The following ITGB2 variants were observed in gnomAD, a reference collection of about 807,000 sequenced individuals.
ITGB2 encodes the protein integrin subunit beta 2, also known as integrin beta-2.
Under a neutral mutation model 86.8 loss-of-function variants are expected in ITGB2, and 56 were observed. The observed-to-expected ratio is 0.65, with a 90% CI of 0.52 to 0.81. The LOEUF is 0.81. Among genes scored for constraint, ITGB2 ranks in the 30% least tolerant of loss-of-function variants. The pLI, the probability that ITGB2 is intolerant of heterozygous loss-of-function variation, is 0.00. For missense variants in ITGB2, 948 were observed against 1,061.2 expected, an observed-to-expected ratio of 0.89 and a Z score of 1.48; for synonymous variants, 457 against 450.4, an observed-to-expected ratio of 1.01 and a Z score of -0.19.
At chr21:44,897,422 C>T (rs917748229) in intron 8 of ITGB2, among the ~76,000 whole-genome samples, 2 of 152,188 alleles carry the variant, frequency 1.3e-5, no homozygotes, top group Non-Finnish European at 2.9e-5. Context: ...TGGTTTCCTG[C>T]GTGCCATTTT....
chr21:44,911,023 A>AGCT lies in ITGB2; in HGVS notation c.-3-241_-3-239dup, dbSNP rs1413665252. On this transcript the variant is annotated intron_variant, in intron 1 of 15. Transcript: ENST00000652462. ...ACCTGCTCAGCCAGGCACCCAGGAC[A>AGCT]GCTGCAGCGGGCCCCTGCAGAGGCA... The AGCT allele has an allele frequency of 6.9e-6, 4 of 578,340 alleles. No homozygotes were observed. In the East Asian group the frequency reaches 1.2e-4, roughly 17 times the overall value. 35.8% of individuals were successfully genotyped at this position (578,340 alleles called of 1,614,324 possible). A position where few individuals can be genotyped will look rare whatever the true frequency, so the allele number is the denominator to read the frequency against.
intron 10 of ITGB2, 43 bp from the exon 11 acceptor site, chr21:44,892,039 A>T: frequency 6.3e-7 from 1 of 1,593,180 alleles, no homozygotes; most frequent in South Asian, 1.1e-5. Context: ...CTCGGTGGCC[A>T]GGGTGGCAGC....
chr21:44,894,698 C>A, intron 9 of ITGB2: 1 of 494,088 alleles, frequency 2.0e-6, no homozygotes, highest in South Asian at 2.0e-5. Flanking sequence ...CATAGAGACC[C>A]GCAGAGAAGA....
intron 1 of ITGB2, among the ~76,000 whole-genome samples, chr21:44,915,127 C>G (rs1385070031): frequency 6.6e-6 from 1 of 151,934 alleles, no homozygotes; most frequent in Non-Finnish European, 1.5e-5. Flanking sequence ...AGGTTCATGC[C>G]ATTCTCCTGC....
upstream of ITGB2, among the ~76,000 whole-genome samples, chr21:44,924,915 A>G (rs11702770): frequency 0.27 from 40,700 of 152,060 alleles, 5,595 homozygotes; most frequent in Middle Eastern, 0.32. Flanking sequence ...ACACCCCTAG[A>G]GCAGGACAGT....
intron 8 of ITGB2, among the ~76,000 whole-genome samples, chr21:44,896,174 G>T (rs1045724644): frequency 1.3e-5 from 2 of 152,204 alleles, no homozygotes; most frequent in African/African-American, 2.4e-5. Context: ...TTTCAAGCTC[G>T]CAATATCACT....
rs1431207660 is a variant in ITGB2 at position 44,900,406 on chromosome 21, C to T, written c.811G>A (p.Gly271Ser). Residue 271 changes from glycine (G) to serine (S), a missense_variant, in exon 7 of 16, where the codon GGC becomes AGC. By Grantham distance (56) the Gly-to-Ser change is moderately conservative. Transcript: ENST00000652462. ...AGGATGGCGCCCAGCTTCCCGTCGC[C>T]CGCGAAATGGAAGCCGTCATCAGTG... The part of the protein sequence containing the change: ...FATDDGFHFA[G>S]DGKLGAILTP... 11 of 1,613,972 alleles carry T rather than the reference C, an allele frequency of 6.8e-6. No individual in the cohort carries two copies.
intron 14 of ITGB2, among the ~76,000 whole-genome samples, chr21:44,888,390 G>A (rs2083729469): frequency 6.6e-6 from 1 of 152,272 alleles, no homozygotes; most frequent in Non-Finnish European, 1.5e-5. Context: ...AGATGGCCCG[G>A]GCCGTGTGGC....
intron 7 of ITGB2, 60 bp downstream of exon 7, chr21:44,900,260 G>A: frequency 6.2e-7 from 1 of 1,606,030 alleles, no homozygotes; most frequent in Non-Finnish European, 8.5e-7. Flanking sequence ...CCCCACCCTT[G>A]TCTCCTCCGT....
chr21:44,899,212 TCCAGGTACCCGC>T (rs772998182), intron 7 of ITGB2, 50 bp from the exon 8 acceptor site: 1 of 1,362,348 alleles, frequency 7.3e-7, no homozygotes, highest in Non-Finnish European at 1.0e-6. Flanking sequence ...GGACAAGGCT[TCCAGGTACCCGC>T]CCCTGTCTGC....
At chr21:44,888,934 G>GT (rs755779145) in intron 13 of ITGB2, 39 bp from the exon 14 acceptor site, 30 of 1,583,686 alleles carry the variant, frequency 1.9e-5, no homozygotes, top group Non-Finnish European at 2.2e-5. Context: ...GCCAGGGTGT[G>GT]CGGGGGCTCC....
At chr21:44,925,842 G>A (rs909328765), upstream of ITGB2, among the ~76,000 whole-genome samples, 1 of 152,208 alleles carries the variant, frequency 6.6e-6, no homozygotes, top group Non-Finnish European at 1.5e-5. Context: ...ACTTTTGGAG[G>A]CCGAGGCGGG....
chr21:44,901,617 G>A lies in ITGB2; in HGVS notation c.616C>T (p.His206Tyr). The A allele has an allele frequency of 1.2e-6, 2 of 1,614,264 alleles. No homozygotes were observed. Among genetic ancestry groups the A allele is most frequent in the Non-Finnish European group, 1.7e-6 (2 of 1,180,040 alleles). Reference protein sequence around the residue: ...KECQPPFAFRHVLKLTNNSNQ... With the variant: ...KECQPPFAFRYVLKLTNNSNQ... ...GAGTTGTTGGTCAGCTTCAGCACGT[G>A]CCTGAAGGCAAACGGGGGCTGGCAC... The change falls in exon 6 of 16, where the codon CAC becomes TAC. Residue 206 changes from histidine (H) to tyrosine (Y), a missense_variant. His to Tyr is a moderately conservative substitution (Grantham distance 83). Coordinates refer to ENST00000652462, the MANE Select transcript of ITGB2 (RefSeq NM_000211.5).
chr21:44,900,715 G>C (rs1309457823), intron 6 of ITGB2, among the ~76,000 whole-genome samples: 1 of 152,224 alleles, frequency 6.6e-6, no homozygotes, highest in African/African-American at 2.4e-5. Flanking sequence ...GTGTGGAAAG[G>C]CAAGGAGAGA....
At chr21:44,903,257 C>A in intron 5 of ITGB2, 108 bp downstream of exon 5, 1 of 1,429,750 alleles carries the variant, frequency 7.0e-7, no homozygotes, top group Non-Finnish European at 9.8e-7. Flanking sequence ...TCTGGGGCCC[C>A]CAGATCTACC....
At chr21:44,915,102 C>A (rs2084186947) in intron 1 of ITGB2, among the ~76,000 whole-genome samples, 1 of 152,160 alleles carries the variant, frequency 6.6e-6, no homozygotes, top group Non-Finnish European at 1.5e-5. Context: ...CAGCTCACTG[C>A]AAGCTCCGCC....
chr21:44,897,227 G>C (rs1475461787), intron 8 of ITGB2, among the ~76,000 whole-genome samples: 3 of 152,250 alleles, frequency 2.0e-5, no homozygotes, highest in African/African-American at 7.2e-5. Context: ...TGAGCTTGTA[G>C]CTGGGATACG....
upstream of ITGB2, among the ~76,000 whole-genome samples, chr21:44,922,076 G>A (rs191163926): frequency 2.6e-5 from 4 of 152,324 alleles, no homozygotes; most frequent in African/African-American, 9.6e-5. Context: ...AGAAATCCAT[G>A]AGAAATACAA....
At chr21:44,920,316 C>T (rs2084283458) in intron 1 of ITGB2, among the ~76,000 whole-genome samples, 1 of 152,134 alleles carries the variant, frequency 6.6e-6, no homozygotes, top group African/African-American at 2.4e-5. Context: ...ACACACGACA[C>T]TACACACCAC....
Sources: gnomAD v4.1 joint callset for allele counts (sites outside exome capture counted in the v4.1 genomes callset) on GRCh38, gnomAD v4.1.1 for gene constraint, MANE v1.5 for transcripts, NCBI Gene and HGNC (gene_info 2026-07-23, HGNC 2026-07-21) for gene names.